ACTR2: variants seen among roughly 807,000 people sequenced by gnomAD.
ACTR2 encodes actin-related protein 2.
A neutral mutation model predicts 50.2 loss-of-function variants in ACTR2; 5 were observed. The ratio of observed to expected loss-of-function variants is 0.10; its 90% CI spans 0.05 to 0.21. The LOEUF (loss-of-function observed/expected upper bound fraction) is 0.21, where lower values mean the gene tolerates loss of function less well. ACTR2 is among the 10% of genes least tolerant of loss of function. The probability of loss-of-function intolerance (pLI) is 1.00; values close to 1 mark genes in which losing one functional copy is unlikely to be tolerated. For missense variants in ACTR2, 180 were observed against 480.6 expected, an observed-to-expected ratio of 0.37 and a Z score of 5.85; for synonymous variants, 140 against 162.9, an observed-to-expected ratio of 0.86 and a Z score of 1.07.
intron 1 of ACTR2, among the ~76,000 whole-genome samples, chr2:65,235,876 G>T (rs2103984407): frequency 6.6e-6 from 1 of 152,302 alleles, no homozygotes; most frequent in East Asian, 1.9e-4. Context: ...TTGTGGGCTT[G>T]TAAGAAGACA....
intron 8 of ACTR2, among the ~76,000 whole-genome samples, chr2:65,268,073 G>A (rs268874): frequency 0.13 from 19,820 of 151,162 alleles, 1,819 homozygotes; most frequent in Non-Finnish European, 0.2. Flanking sequence ...TCCTGACCTC[G>A]TGATCCGCCC....
intron 1 of ACTR2, among the ~76,000 whole-genome samples, chr2:65,229,484 G>A (rs1173219629): frequency 1.3e-5 from 2 of 151,882 alleles, no homozygotes; most frequent in African/African-American, 4.8e-5. Context: ...GGCCAGGCGC[G>A]GTGGCTCATG....
chr2:65,228,783 T>C (rs1671580779), intron 1 of ACTR2, among the ~76,000 whole-genome samples: 1 of 152,224 alleles, frequency 6.6e-6, no homozygotes, highest in Admixed American at 6.5e-5. Context: ...AAAATCTGAC[T>C]AAAGCACTGA....
intron 2 of ACTR2, 59 bp from the exon 3 acceptor site, chr2:65,246,465 C>T (rs914117098): frequency 1.4e-4 from 164 of 1,165,012 alleles, no homozygotes; most frequent in South Asian, 2.3e-4. Flanking sequence ...TTAATTATTC[C>T]CAAGTTTTCT....
intron 2 of ACTR2, 141 bp downstream of exon 2, chr2:65,240,103 T>TTTATATCAAC: frequency 1.7e-6 from 1 of 589,902 alleles, no homozygotes; most frequent in Admixed American, 3.2e-5. Flanking sequence ...ATATTTTTAA[T>TTTATATCAAC]TTATATCAAC....
chr2:65,238,656 A>T (rs1247334501), intron 1 of ACTR2, among the ~76,000 whole-genome samples: 9 of 58,774 alleles, frequency 1.5e-4, no homozygotes, highest in African/African-American at 5.4e-4. Context: ...GAGACTGTCT[A>T]AAAAAAAAAA....
At chr2:65,261,704 T>G (rs1672272291) in intron 7 of ACTR2, among the ~76,000 whole-genome samples, 1 of 152,240 alleles carries the variant, frequency 6.6e-6, no homozygotes, top group African/African-American at 2.4e-5. Context: ...AGGATAAAGA[T>G]ACTCTCTTAC....
At chr2:65,240,868 CTT>C (rs1387184284) in intron 2 of ACTR2, among the ~76,000 whole-genome samples, 1 of 152,096 alleles carries the variant, frequency 6.6e-6, no homozygotes, top group East Asian at 1.9e-4. Context: ...GGGCGTATCT[CTT>C]TGGGACATTT....
Position 65,255,409 on chromosome 2 carries a change from T to C in ACTR2, c.586-136T>C. 2 of 681,660 alleles carry C rather than the reference T, an allele frequency of 2.9e-6. 1 individual carries two copies. The highest frequency in any genetic ancestry group is 6.3e-5 in the South Asian group (2 of 31,964). The allele number at this position is 681,660 out of a possible 1,614,324, so 42.2% of individuals were successfully genotyped here. On this transcript the variant is annotated intron_variant, in intron 5 of 8. Transcript: ENST00000260641. ...TTTATGGCGGATAAAATCCTGCTTC[T>C]GAAATAGTAGGAGCTGAGGATCCAC...
At chr2:65,242,309 CCTTGTTTTT>C (rs1671853708) in intron 2 of ACTR2, among the ~76,000 whole-genome samples, 1 of 151,996 alleles carries the variant, frequency 6.6e-6, no homozygotes, top group Admixed American at 6.6e-5. Flanking sequence ...GAATTGTTTT[CCTTGTTTTT>C]CTTGTAGATG....
chr2:65,262,632 C>A (rs1469770376), intron 7 of ACTR2, among the ~76,000 whole-genome samples: 1 of 152,008 alleles, frequency 6.6e-6, no homozygotes, highest in Non-Finnish European at 1.5e-5. Flanking sequence ...GAAATTATTT[C>A]AGTGTAATTT....
intron 2 of ACTR2, among the ~76,000 whole-genome samples, chr2:65,240,592 C>T (rs1471501519): frequency 1.3e-5 from 2 of 152,076 alleles, no homozygotes; most frequent in African/African-American, 2.4e-5. Context: ...CATGAAAAGA[C>T]GATCGATTTT....
At chr2:65,242,383 TTATATAGGATA>T (rs1343803799) in intron 2 of ACTR2, among the ~76,000 whole-genome samples, 1 of 152,158 alleles carries the variant, frequency 6.6e-6, no homozygotes, top group African/African-American at 2.4e-5. Context: ...CCAGATGGCT[TTATATAGGATA>T]TGTGTGATCC....
chr2:65,246,467 A>G, intron 2 of ACTR2, 57 bp from the exon 3 acceptor site: 1 of 1,201,184 alleles, frequency 8.3e-7, no homozygotes, highest in Non-Finnish European at 1.2e-6. Flanking sequence ...AATTATTCCC[A>G]AGTTTTCTTA....
At chr2:65,268,093 T>C (rs1052357112) in intron 8 of ACTR2, among the ~76,000 whole-genome samples, 1 of 151,900 alleles carries the variant, frequency 6.6e-6, no homozygotes, top group Non-Finnish European at 1.5e-5. Flanking sequence ...CGCCTTGGCC[T>C]CCCAAAGTGC....
chr2:65,255,241 T>C (rs554019766), intron 5 of ACTR2, among the ~76,000 whole-genome samples: 1 of 152,352 alleles, frequency 6.6e-6, no homozygotes, highest in Non-Finnish European at 1.5e-5. Flanking sequence ...TATTCATTAA[T>C]ATACTTTTGA....
chr2:65,235,583 C>T (rs1671723878), intron 1 of ACTR2, among the ~76,000 whole-genome samples: 1 of 152,126 alleles, frequency 6.6e-6, no homozygotes, highest in South Asian at 2.1e-4. Context: ...GGTGAAACCC[C>T]TTCTCTACTA....
chr2:65,227,854 C>A lies in ACTR2; in HGVS notation c.-56C>A, dbSNP rs1028548757. ...ACGCAAGAGGAAGAAGAGAAAACGG[C>A]CGGGCGGCGGTGGCTGTAGGTTGTG... On this transcript the variant is annotated 5_prime_UTR_variant, in exon 1 of 9. Coordinates refer to ENST00000260641, the MANE Select transcript of ACTR2 (RefSeq NM_005722.4). 3 of 1,485,848 alleles carry A rather than the reference C, an allele frequency of 2.0e-6. No individual in the cohort carries two copies. The highest frequency in any genetic ancestry group is 2.7e-6 in the Non-Finnish European group (3 of 1,116,154). The allele number at this position is 1,485,848 out of a possible 1,614,324, so 92.0% of individuals were successfully genotyped here. A position where few individuals can be genotyped will look rare whatever the true frequency, so the allele number is the denominator to read the frequency against.
intron 1 of ACTR2, 93 bp downstream of exon 1, chr2:65,228,050 C>T (rs1411577115): frequency 2.4e-6 from 3 of 1,245,370 alleles, no homozygotes; most frequent in African/African-American, 1.6e-5. Flanking sequence ...GCTGCACCTC[C>T]GGGCCCTCGG....
Sources: allele counts gnomAD v4.1 joint callset (sites outside exome capture counted in the v4.1 genomes callset), GRCh38; gene constraint gnomAD v4.1.1; transcripts MANE v1.5; gene names NCBI Gene and HGNC (gene_info 2026-07-23, HGNC 2026-07-21).